The following CNOT1 variants were observed in gnomAD, a reference collection of about 807,000 sequenced individuals.
CNOT1 encodes CCR4-associated factor 1.
CNOT1 carries 15 observed loss-of-function variants against 273.8 expected under a neutral mutation model. The ratio of observed to expected loss-of-function variants is 0.05; its 90% CI spans 0.04 to 0.08. The LOEUF (loss-of-function observed/expected upper bound fraction) is 0.08, where lower values mean the gene tolerates loss of function less well. Ranked by LOEUF, CNOT1 falls within the 10% of genes least tolerant of loss-of-function variation. The pLI, the probability that CNOT1 is intolerant of heterozygous loss-of-function variation, is 1.00. For missense variants in CNOT1, 1,644 were observed against 2,912.2 expected (o/e 0.56, Z 10.02); for synonymous variants, 1,022 against 1,005.5 (o/e 1.02, Z -0.31).
intron 1 of CNOT1, among the ~76,000 whole-genome samples, chr16:58,612,921 C>A (rs989612908): frequency 6.6e-6 from 1 of 152,160 alleles, no homozygotes; most frequent in African/African-American, 2.4e-5. Flanking sequence ...AAGCACTTTA[C>A]ATGTTTCTTT....
At chr16:58,534,036 G>T in intron 40 of CNOT1, 111 bp downstream of exon 40, 1 of 1,167,618 alleles carries the variant, frequency 8.6e-7, no homozygotes, top group Non-Finnish European at 1.1e-6. Flanking sequence ...CAGCCTGGGT[G>T]ACAGAGTGAG....
At position 58,558,546 on chromosome 16, in the gene CNOT1, T is replaced by A. The variant is rs781110533; in HGVS notation, c.2259A>T (p.Ala753=). 6 of 1,613,502 alleles carry A rather than the reference T, an allele frequency of 3.7e-6. No homozygotes were observed. The Admixed American group carries it at 1.0e-4, about 27-fold the overall frequency. Residue 753 remains alanine (A), a synonymous_variant, in exon 18 of 49, where the codon GCA becomes GCT. Transcript: ENST00000317147. ...AFSTPQSPAK[A]FPPLSTPNQT... is the part of the protein sequence containing the mutation. Reference sequence around the variant, plus strand: ...GATTGGGGGTTGAAAGGGGTGGAAATGCTTTTGCTGGTGACTGAGGGGTAC... The same window carrying A: ...GATTGGGGGTTGAAAGGGGTGGAAAAGCTTTTGCTGGTGACTGAGGGGTAC...
chr16:58,528,851 CAA>C (rs1487528082), intron 43 of CNOT1, among the ~76,000 whole-genome samples: 1 of 150,126 alleles, frequency 6.7e-6, no homozygotes. Flanking sequence ...AACTAGGCAT[CAA>C]GAGTTTACAG....
At chr16:58,530,180 G>T in intron 43 of CNOT1, 66 bp downstream of exon 43, 2 of 1,312,978 alleles carry the variant, frequency 1.5e-6, no homozygotes, top group South Asian at 1.4e-5. Flanking sequence ...TAAGGCCTCA[G>T]ATTCCTAAAG....
At position 58,537,998 on chromosome 16, in the gene CNOT1, C is replaced by T. The variant is rs1253854435; in HGVS notation, c.5307G>A (p.Leu1769=). Residue 1769 remains leucine, a synonymous_variant, in exon 38 of 49, where the codon CTG becomes CTA. Transcript: ENST00000317147. ...VAFAMQLVKI[L]LVDERSVAHV... is the part of the protein sequence containing the mutation. ...GAGCAACACTCCTTTCATCCACCAG[C>T]AGGATTTTTACTAACTGCATAGCAA... 3 of 1,614,032 alleles carry T rather than the reference C, an allele frequency of 1.9e-6. No homozygotes were observed. Among genetic ancestry groups the T allele is most frequent in the African/African-American group, 2.7e-5 (2 of 74,922 alleles).
At chr16:58,524,767 C>T (rs1009194695) in intron 46 of CNOT1, among the ~76,000 whole-genome samples, 1 of 152,066 alleles carries the variant, frequency 6.6e-6, no homozygotes, top group Admixed American at 6.5e-5. Context: ...GAGCTTTTTG[C>T]AGAACAGGAG....
chr16:58,599,365 G>A lies in CNOT1; in HGVS notation c.-28C>T. The A allele has an allele frequency of 6.2e-7, 1 of 1,613,978 alleles. No individual in the cohort carries two copies. Among genetic ancestry groups the A allele is most frequent in the Non-Finnish European group, 8.5e-7 (1 of 1,179,982 alleles). The stretch of plus-strand genomic sequence containing the variant: ...CTGGTTGGGGCGGAAGCAGGCGGCC[G>A]AGCCCGGCGCAAAATCACCATTATT... On this transcript the variant is annotated 5_prime_UTR_variant, in exon 2 of 49. Coordinates refer to ENST00000317147, the MANE Select transcript of CNOT1 (RefSeq NM_016284.5).
chr16:58,559,744 G>C (rs2040764658), intron 17 of CNOT1: 3 of 481,316 alleles, frequency 6.2e-6, no homozygotes, highest in Admixed American at 6.0e-5. Context: ...AAATAGAAGC[G>C]CAATATGTTG....
At chr16:58,574,915 A>G (rs896683913) in intron 15 of CNOT1, 92 bp downstream of exon 15, 58 of 1,570,566 alleles carry the variant, frequency 3.7e-5, no homozygotes, top group Non-Finnish European at 5.0e-5. Context: ...TCTTTAGTTT[A>G]TTACTGCTGC....
intron 30 of CNOT1, among the ~76,000 whole-genome samples, chr16:58,545,124 GTATCATGGGTTTGGA>G (rs1399847111): frequency 6.6e-6 from 1 of 152,176 alleles, no homozygotes; most frequent in African/African-American, 2.4e-5. Context: ...CTAAATTTTA[GTATCATGGGTTTGGA>G]TATGAGGAAC....
intron 40 of CNOT1, 37 bp from the exon 41 acceptor site, chr16:58,532,432 A>G (rs1416442749): frequency 6.2e-7 from 1 of 1,601,348 alleles, no homozygotes; most frequent in East Asian, 2.2e-5. Flanking sequence ...TAAATCATTC[A>G]GATAATCCAC....
At chr16:58,546,874 A>AT (rs1208305805) in intron 27 of CNOT1, 125 bp from the exon 28 acceptor site, 1 of 1,245,680 alleles carries the variant, frequency 8.0e-7, no homozygotes, top group East Asian at 2.5e-5. Context: ...AAAAACAAGG[A>AT]TTAAAAAATA....
At chr16:58,545,285 C>T in intron 30 of CNOT1, 76 bp downstream of exon 30, 3 of 1,577,714 alleles carry the variant, frequency 1.9e-6, no homozygotes, top group Non-Finnish European at 2.6e-6. Context: ...GGGCAAAGAG[C>T]TGAAGAAAAG....
rs142299662 is a variant in CNOT1, at chr16:58,596,745, G to A, written c.102+2491C>T. Among the ~76,000 whole-genome samples, 605 of 151,992 alleles carry A rather than the reference G, an allele frequency of 4.0e-3. 7 individuals carry two copies. Among genetic ancestry groups the A allele is most frequent in the East Asian group, 0.012 (62 of 5,142 alleles). On this transcript the variant is annotated intron_variant, in intron 2 of 48. Coordinates refer to ENST00000317147, the MANE Select transcript of CNOT1 (RefSeq NM_016284.5). The stretch of plus-strand genomic sequence containing the variant: ...TACTAAAAATACAAAAAAATTAGCC[G>A]GGTGTGGTGGCGAGCGACTGTAGTC...
At chr16:58,530,660 T>C in intron 42 of CNOT1, 1 of 174,348 alleles carries the variant, frequency 5.7e-6, no homozygotes, top group Non-Finnish European at 1.2e-5. Context: ...GGCGGGCACC[T>C]ATAATCCCAG....
chr16:58,627,614 A>C (rs1012141157), intron 1 of CNOT1, among the ~76,000 whole-genome samples: 1 of 151,952 alleles, frequency 6.6e-6, no homozygotes, highest in African/African-American at 2.4e-5. Flanking sequence ...GACAACATCT[A>C]TGTTAAAGAG....
chr16:58,591,669 G>A (rs1046076214), intron 2 of CNOT1, among the ~76,000 whole-genome samples: 2 of 151,590 alleles, frequency 1.3e-5, no homozygotes, highest in Admixed American at 6.6e-5. Context: ...CTGGAGAATC[G>A]CTTGAACCCA....
intron 1 of CNOT1, 117 bp from the exon 2 acceptor site, chr16:58,599,628 A>C (rs2042392448): frequency 4.4e-6 from 2 of 458,644 alleles, no homozygotes; most frequent in African/African-American, 3.9e-5. Context: ...GCAAATTAAT[A>C]ATTAGAAGAG....
At chr16:58,566,282 C>A (rs1279237696) in intron 16 of CNOT1, among the ~76,000 whole-genome samples, 1 of 152,150 alleles carries the variant, frequency 6.6e-6, no homozygotes, top group East Asian at 1.9e-4. Flanking sequence ...CATCGTAATT[C>A]TTCTATATTT....
Sources: allele counts gnomAD v4.1 joint callset (sites outside exome capture counted in the v4.1 genomes callset), GRCh38; gene constraint gnomAD v4.1.1; transcripts MANE v1.5; gene names NCBI Gene and HGNC (gene_info 2026-07-23, HGNC 2026-07-21).